Variants in PRELID2 observed in about 807,000 individuals in gnomAD.
PRELID2 encodes the protein PRELI domain-containing protein 2.
A neutral mutation model predicts 28.4 loss-of-function variants in PRELID2; 25 were observed. The ratio of observed to expected loss-of-function variants is 0.88; its 90% CI spans 0.64 to 1.23. The LOEUF (loss-of-function observed/expected upper bound fraction) is 1.23, where lower values mean the gene tolerates loss of function less well. Among genes scored for constraint, PRELID2 ranks in the 50% most tolerant of loss-of-function variants. The pLI, the probability that PRELID2 is intolerant of heterozygous loss-of-function variation, is 0.00. For missense variants in PRELID2, 201 were observed against 214.4 expected, an observed-to-expected ratio of 0.94 and a Z score of 0.39; for synonymous variants, 76 against 71.6, an observed-to-expected ratio of 1.06 and a Z score of -0.31.
intron 1 of PRELID2, among the ~76,000 whole-genome samples, chr5:145,704,913 A>G (rs978783320): frequency 1.3e-5 from 2 of 152,188 alleles, no homozygotes; most frequent in Non-Finnish European, 2.9e-5. Flanking sequence ...CACAGGAAGG[A>G]GCTGAGAGTC....
At chr5:145,357,586 T>C in the PRELID2 span, among the ~76,000 whole-genome samples, 1 of 152,222 alleles carries the variant, frequency 6.6e-6, no homozygotes, top group Non-Finnish European at 1.5e-5. Context: ...GTTTCTTAGC[T>C]CTGTCTATTC....
chr5:145,472,599 A>G (rs1435364283), intron 2 of PRELID2, among the ~76,000 whole-genome samples: 3 of 152,180 alleles, frequency 2.0e-5, no homozygotes, highest in Non-Finnish European at 4.4e-5. Flanking sequence ...CCAGCCCTTT[A>G]TGCCTACTAC....
the PRELID2 span, among the ~76,000 whole-genome samples, chr5:145,387,168 C>T: frequency 6.6e-6 from 1 of 152,076 alleles, no homozygotes; most frequent in African/African-American, 2.4e-5. Context: ...ATTTGTGATA[C>T]CATCAAACCT....
chr5:145,481,960 C>T (rs1241806946), intron 1 of PRELID2, among the ~76,000 whole-genome samples: 2 of 152,112 alleles, frequency 1.3e-5, no homozygotes, highest in Non-Finnish European at 2.9e-5. Flanking sequence ...ATTGATGTAA[C>T]GAACTCCAAC....
intron 1 of PRELID2, among the ~76,000 whole-genome samples, chr5:145,730,291 A>G (rs1756301585): frequency 6.6e-6 from 1 of 152,168 alleles, no homozygotes; most frequent in South Asian, 2.1e-4. Flanking sequence ...CACACTGGCC[A>G]AAGTAATTCT....
chr5:145,430,050 C>T, the PRELID2 span: 2 of 152,308 alleles, frequency 1.3e-5, no homozygotes, highest in Middle Eastern at 3.4e-3. Context: ...CTATTGGGTC[C>T]TTAGTCTCAT....
intron 1 of PRELID2, among the ~76,000 whole-genome samples, chr5:145,573,754 G>A (rs895971161): frequency 1.3e-5 from 2 of 152,142 alleles, no homozygotes; most frequent in Admixed American, 6.6e-5. Flanking sequence ...TATCACTGAT[G>A]GGCATTTTGG....
At chr5:145,814,426 TATC>T (rs1483354432) in intron 4 of PRELID2, among the ~76,000 whole-genome samples, 35 of 152,164 alleles carry the variant, frequency 2.3e-4, no homozygotes, top group African/African-American at 8.4e-4. Context: ...GTGAAACTCT[TATC>T]ATGAGAGAGA....
chr5:145,378,393 TC>T, the PRELID2 span, among the ~76,000 whole-genome samples: 1 of 152,164 alleles, frequency 6.6e-6, no homozygotes, highest in Non-Finnish European at 1.5e-5. Flanking sequence ...CAAGTTGGTT[TC>T]ATTCTCCCCA....
the PRELID2 span, among the ~76,000 whole-genome samples, chr5:145,406,087 C>T: frequency 6.6e-6 from 1 of 152,074 alleles, no homozygotes; most frequent in Non-Finnish European, 1.5e-5. Flanking sequence ...TGTTGTTAAA[C>T]CATTTATGAG....
At chr5:145,610,656 T>A (rs761349114) in intron 1 of PRELID2, among the ~76,000 whole-genome samples, 31 of 152,124 alleles carry the variant, frequency 2.0e-4, no homozygotes, top group Non-Finnish European at 3.7e-4. Flanking sequence ...AGATGTAAAG[T>A]GCTGCCATGA....
the PRELID2 span, among the ~76,000 whole-genome samples, chr5:145,432,885 A>T: frequency 6.6e-6 from 1 of 152,146 alleles, no homozygotes; most frequent in African/African-American, 2.4e-5. Context: ...TTTGTCCCCA[A>T]TTAAAGTTCA....
chr5:145,794,537 C>T (rs1230844793), intron 5 of PRELID2, among the ~76,000 whole-genome samples: 1 of 152,154 alleles, frequency 6.6e-6, no homozygotes, highest in Non-Finnish European at 1.5e-5. Context: ...AGACTCCACC[C>T]TTTGCTAGTT....
At chr5:145,280,909 T>C in the PRELID2 span, among the ~76,000 whole-genome samples, 2 of 152,084 alleles carry the variant, frequency 1.3e-5, no homozygotes, top group South Asian at 2.1e-4. Flanking sequence ...AACTGGCTTG[T>C]GATGGCGGGG....
At chr5:145,518,135 T>TATAATAATA (rs56385008) in intron 1 of PRELID2, among the ~76,000 whole-genome samples, 32 of 142,526 alleles carry the variant, frequency 2.2e-4, no homozygotes, top group Non-Finnish European at 4.2e-4. Context: ...GAACTTGAAG[T>TATAATAATA]ATAATAATAA....
chr5:145,556,405 C>T (rs1364191568), intron 1 of PRELID2, among the ~76,000 whole-genome samples: 1 of 152,098 alleles, frequency 6.6e-6, no homozygotes, highest in Non-Finnish European at 1.5e-5. Flanking sequence ...TCCCTCATCT[C>T]TCACATCCAA....
At chr5:145,395,214 T>C in the PRELID2 span, among the ~76,000 whole-genome samples, 2 of 150,828 alleles carry the variant, frequency 1.3e-5, no homozygotes, top group African/African-American at 4.9e-5. Context: ...TGGACATTGC[T>C]GATTTCACTT....
the PRELID2 span, among the ~76,000 whole-genome samples, chr5:145,465,690 A>G: frequency 1.3e-5 from 2 of 152,170 alleles, no homozygotes; most frequent in Non-Finnish European, 2.9e-5. Flanking sequence ...ATAGATCTAA[A>G]GTGGATAGAA....
At chr5:145,708,934 T>C (rs1755618124) in intron 1 of PRELID2, among the ~76,000 whole-genome samples, 1 of 152,236 alleles carries the variant, frequency 6.6e-6, no homozygotes, top group Admixed American at 6.5e-5. Flanking sequence ...AAAGACACTG[T>C]CTACAGCTGC....
Sources: allele counts gnomAD v4.1 joint callset (sites outside exome capture counted in the v4.1 genomes callset), GRCh38; gene constraint gnomAD v4.1.1; transcripts MANE v1.5; gene names NCBI Gene and HGNC (gene_info 2026-07-23, HGNC 2026-07-21).